The following PUDP variants were observed in gnomAD, a reference collection of about 807,000 sequenced individuals.
PUDP encodes the protein pseudouridine-5'-phosphatase.
Under a neutral mutation model 9.4 loss-of-function variants are expected in PUDP, and 8 were observed. That is an observed-to-expected ratio of 0.85 (90% CI 0.50 to 1.53). PUDP has a LOEUF of 1.53. Ranked by LOEUF, PUDP falls within the 40% of genes most tolerant of loss-of-function variation. PUDP has a pLI of 0.00. For missense variants in PUDP, 188 were observed against 189.7 expected, an observed-to-expected ratio of 0.99 and a Z score of 0.05; for synonymous variants, 99 against 80.7, an observed-to-expected ratio of 1.23 and a Z score of -1.22.
chrX:6,806,904 G>C (rs1432775041), intron 3 of PUDP, among the ~76,000 whole-genome samples: 2 of 112,382 alleles, frequency 1.8e-5, no homozygotes, highest in East Asian at 2.8e-4. Flanking sequence ...ATTCTCAAGA[G>C]AGATATGAAT....
At chrX:6,879,900 A>G (rs1434480800) in intron 3 of PUDP, among the ~76,000 whole-genome samples, 1 of 110,620 alleles carries the variant, frequency 9.0e-6, no homozygotes, top group Non-Finnish European at 1.9e-5. Flanking sequence ...TCCTATTTCT[A>G]TGAGGGGATT....
chrX:7,000,074 A>T (rs948808541), intron 1 of PUDP, among the ~76,000 whole-genome samples: 5 of 109,190 alleles, frequency 4.6e-5, no homozygotes, highest in African/African-American at 1.3e-4. Context: ...ACTAAGACTG[A>T]AAAACGTCTA....
chrX:7,029,927 T>C (rs1292628763), intron 1 of PUDP, among the ~76,000 whole-genome samples: 3 of 110,944 alleles, frequency 2.7e-5, no homozygotes, highest in South Asian at 7.7e-4. Context: ...AAAGCTCTTC[T>C]AAGCCAATCT....
chrX:6,855,531 A>G (rs1393588451), intron 3 of PUDP, among the ~76,000 whole-genome samples: 2 of 111,565 alleles, frequency 1.8e-5, no homozygotes, highest in African/African-American at 3.3e-5. Flanking sequence ...CAAGCCCCCA[A>G]TCCCCATTAG....
intron 3 of PUDP, among the ~76,000 whole-genome samples, chrX:6,828,010 T>C (rs925413780): frequency 8.9e-6 from 1 of 112,079 alleles, no homozygotes; most frequent in Non-Finnish European, 1.9e-5. Context: ...AACTTTCAGC[T>C]CTGTGCTTTA....
At chrX:6,727,238 GAA>G (rs200900086) in intron 3 of PUDP, among the ~76,000 whole-genome samples, 2,045 of 110,959 alleles carry the variant, frequency 0.018, 49 homozygotes, top group African/African-American at 0.063. Flanking sequence ...GAGATGGAGA[GAA>G]AGAGAGATTG....
At chrX:6,939,853 AAAAAGAAAAG>A (rs1239796808) in intron 3 of PUDP, among the ~76,000 whole-genome samples, 2 of 111,254 alleles carry the variant, frequency 1.8e-5, no homozygotes, top group Non-Finnish European at 3.8e-5. Context: ...CTCAAAAAAA[AAAAAGAAAAG>A]AAAAGAAAAA....
intron 1 of PUDP, among the ~76,000 whole-genome samples, chrX:7,125,306 T>C (rs1217705394): frequency 8.9e-6 from 1 of 112,006 alleles, no homozygotes; most frequent in East Asian, 2.8e-4. Flanking sequence ...TCCATTTAGC[T>C]AATGGCAATA....
intron 1 of PUDP, among the ~76,000 whole-genome samples, chrX:7,125,258 AT>A (rs1223219562): frequency 6.3e-5 from 7 of 110,637 alleles, no homozygotes; most frequent in East Asian, 2.8e-4. Context: ...ACTATTAATC[AT>A]TTTTTTTCCC....
chrX:7,036,851 G>A (rs990906482), intron 1 of PUDP, among the ~76,000 whole-genome samples: 6 of 111,135 alleles, frequency 5.4e-5, no homozygotes, highest in African/African-American at 1.6e-4. Context: ...TTTCATTCCC[G>A]TCTAACCTAA....
chrX:6,823,881 G>A (rs1926383706), intron 3 of PUDP, among the ~76,000 whole-genome samples: 1 of 112,472 alleles, frequency 8.9e-6, no homozygotes, highest in African/African-American at 3.2e-5. Flanking sequence ...TGGCACTGAT[G>A]GGAGTGCGTT....
intron 3 of PUDP, among the ~76,000 whole-genome samples, chrX:6,971,194 A>G (rs1010477897): frequency 1.8e-5 from 2 of 110,960 alleles, no homozygotes; most frequent in African/African-American, 6.6e-5. Flanking sequence ...ATTTATACAG[A>G]CCTGACTTTT....
chrX:6,867,223 C>T (rs1401317800), intron 3 of PUDP, among the ~76,000 whole-genome samples: 1 of 111,793 alleles, frequency 8.9e-6, no homozygotes, highest in Admixed American at 9.5e-5. Flanking sequence ...AACACATTGC[C>T]CCCTACCTTT....
chrX:6,947,775 AAAAT>A (rs200121266), intron 3 of PUDP, among the ~76,000 whole-genome samples: 41,950 of 96,612 alleles, frequency 0.43, 7,698 homozygotes, highest in South Asian at 0.63. Flanking sequence ...CCCTGTCTCA[AAAAT>A]AAATAAATAA....
intron 3 of PUDP, among the ~76,000 whole-genome samples, chrX:6,958,870 G>T: frequency 9.0e-6 from 1 of 111,616 alleles, no homozygotes; most frequent in Non-Finnish European, 1.9e-5. Context: ...GAATTTGGCT[G>T]AATTGTGTCC....
intron 3 of PUDP, among the ~76,000 whole-genome samples, chrX:6,947,271 C>T (rs747340318): frequency 5.4e-5 from 6 of 110,961 alleles, no homozygotes; most frequent in East Asian, 2.8e-4. Context: ...CCTCGGCCCC[C>T]CAAAGTGCTG....
At chrX:7,064,472 A>AAAGG (rs777400848) in intron 3 of PUDP, among the ~76,000 whole-genome samples, 134 of 111,599 alleles carry the variant, frequency 1.2e-3, no homozygotes, top group Non-Finnish European at 2.2e-3. Flanking sequence ...AGGGAAGAGG[A>AAAGG]AAGGAAGATG....
intron 3 of PUDP, among the ~76,000 whole-genome samples, chrX:6,836,215 C>T (rs774850672): frequency 5.4e-5 from 6 of 111,345 alleles, no homozygotes; most frequent in African/African-American, 9.8e-5. Flanking sequence ...ATTACAGATT[C>T]GTAATTTCCT....
chrX:6,749,345 GGTGATA>G (rs1464895555), intron 3 of PUDP, among the ~76,000 whole-genome samples: 1 of 111,470 alleles, frequency 9.0e-6, no homozygotes, highest in Non-Finnish European at 1.9e-5. Flanking sequence ...GGATGTGCCT[GGTGATA>G]GTACAGAGGG....
Sources: gnomAD v4.1 joint callset for allele counts (sites outside exome capture counted in the v4.1 genomes callset) on GRCh38, gnomAD v4.1.1 for gene constraint, MANE v1.5 for transcripts, NCBI Gene and HGNC (gene_info 2026-07-23, HGNC 2026-07-21) for gene names.